The following ADD2 variants were observed in gnomAD, a reference collection of about 807,000 sequenced individuals.
The protein encoded by ADD2 is adducin 2.
ADD2 carries 23 observed loss-of-function variants against 83.0 expected under a neutral mutation model. The ratio of observed to expected loss-of-function variants is 0.28; its 90% CI spans 0.20 to 0.39. The LOEUF is 0.39. Among genes scored for constraint, ADD2 ranks in the 10% least tolerant of loss-of-function variants. The pLI, the probability that ADD2 is intolerant of heterozygous loss-of-function variation, is 1.00. For missense variants in ADD2, 758 were observed against 944.9 expected (o/e 0.80, Z 2.59); for synonymous variants, 375 against 375.4 (o/e 1.00, Z 0.01).
chr2:70,765,207 G>C (rs1675318832), intron 1 of ADD2, among the ~76,000 whole-genome samples: 1 of 152,068 alleles, frequency 6.6e-6, no homozygotes, highest in Non-Finnish European at 1.5e-5. Flanking sequence ...GCAAAAATTA[G>C]CCGGGCGTGG....
At chr2:70,765,378 A>C (rs577834932) in intron 1 of ADD2, among the ~76,000 whole-genome samples, 49 of 152,286 alleles carry the variant, frequency 3.2e-4, no homozygotes, top group African/African-American at 7.2e-4. Flanking sequence ...ATAAAAAATA[A>C]AAAAGAATTG....
In ADD2 at chr2:70,704,399, A is replaced by G. The variant is rs782491956; in HGVS notation, c.244T>C (p.Ser82Pro). ...QEQMKKGNNS[S>P]NIWALRQIAD... is the part of the protein sequence containing the mutation. ...ATCTGTCGCAGGGCCCAGATGTTGG[A>G]GGAGTTGTTCCCCTTCTTCATCTGC... Residue 82 changes from serine (S) to proline (P), a missense_variant, in exon 4 of 16, where the codon TCC becomes CCC. Around this residue, in one of 5 missense-constraint regions of ADD2, gnomAD observed 175 missense variants for 192.1 expected, o/e 0.91. Coordinates refer to ENST00000264436, the MANE Select transcript of ADD2 (RefSeq NM_001617.4). The G allele has an allele frequency of 6.2e-7, 1 of 1,613,976 alleles. No individual in the cohort carries two copies. The highest frequency in any genetic ancestry group is 1.1e-5 in the South Asian group (1 of 91,078).
At chr2:70,720,024 T>C (rs1672656421) in intron 1 of ADD2, among the ~76,000 whole-genome samples, 1 of 135,030 alleles carries the variant, frequency 7.4e-6, no homozygotes, top group South Asian at 2.2e-4. Flanking sequence ...ATAAACCATA[T>C]CCTAAGCCAT....
At chr2:70,700,583 A>G (rs1395259019) in intron 4 of ADD2, among the ~76,000 whole-genome samples, 1 of 152,142 alleles carries the variant, frequency 6.6e-6, no homozygotes, top group Non-Finnish European at 1.5e-5. Flanking sequence ...AGGATTAATG[A>G]ATATAGAAAT....
chr2:70,704,173 T>C lies in ADD2; in HGVS notation c.322+148A>G, dbSNP rs1243733954. The C allele has an allele frequency of 3.0e-6, 3 of 1,009,052 alleles. No individual in the cohort carries two copies. In the African/African-American group the frequency reaches 4.9e-5, roughly 16 times the overall value. 62.5% of individuals were successfully genotyped at this position (1,009,052 alleles called of 1,614,324 possible). On this transcript the variant is annotated intron_variant, in intron 4 of 15. Transcript: ENST00000264436. The stretch of plus-strand genomic sequence containing the variant: ...AAGCAGAGCCAGGTACCTCTCTGGC[T>C]GCTGCTGAGCTCCCCAAGGCCTGAT...
chr2:70,697,383 T>C (rs1422707512), intron 4 of ADD2, among the ~76,000 whole-genome samples: 3 of 152,180 alleles, frequency 2.0e-5, no homozygotes, highest in South Asian at 2.1e-4. Context: ...GAGGGTTTGA[T>C]AGTCTTGTCC....
At chr2:70,684,018 G>A (rs1553370118) in intron 9 of ADD2, among the ~76,000 whole-genome samples, 1 of 152,204 alleles carries the variant, frequency 6.6e-6, no homozygotes, top group Non-Finnish European at 1.5e-5. Flanking sequence ...AATCAAAACA[G>A]AGGACTGAAA....
rs1670986095 is a variant in ADD2, at chr2:70,690,780, G to A, written c.849+6C>T. 2 of 1,609,922 alleles carry A rather than the reference G, an allele frequency of 1.2e-6. No individual in the cohort carries two copies. The highest frequency in any genetic ancestry group is 1.7e-6 in the Non-Finnish European group (2 of 1,178,514). On this transcript the variant is annotated splice_donor_region_variant and intron_variant, in intron 8 of 15. Coordinates refer to ENST00000264436, the MANE Select transcript of ADD2 (RefSeq NM_001617.4). The stretch of plus-strand genomic sequence containing the variant: ...TAGATTATTGTCCCAGAAGAGCTAA[G>A]CTAACCTTGCAGGTGGGTCCAAGGC...
intron 8 of ADD2, among the ~76,000 whole-genome samples, chr2:70,689,059 T>C (rs1338655506): frequency 6.6e-6 from 1 of 152,060 alleles, no homozygotes; most frequent in African/African-American, 2.4e-5. Flanking sequence ...GATCGCACCA[T>C]TGTACCCCAG....
chr2:70,728,243 G>A (rs569325717), intron 1 of ADD2, among the ~76,000 whole-genome samples: 1 of 152,346 alleles, frequency 6.6e-6, no homozygotes, highest in Admixed American at 6.5e-5. Flanking sequence ...CGGCCTATAT[G>A]TGCTCTCTTT....
At chr2:70,697,744 G>A (rs1047361950) in intron 4 of ADD2, among the ~76,000 whole-genome samples, 3 of 152,110 alleles carry the variant, frequency 2.0e-5, no homozygotes, top group East Asian at 3.9e-4. Context: ...GAGGGCGGAC[G>A]ATGTATGTCC....
intron 9 of ADD2, among the ~76,000 whole-genome samples, chr2:70,686,180 C>T (rs1670715044): frequency 1.3e-5 from 2 of 152,214 alleles, no homozygotes; most frequent in African/African-American, 4.8e-5. Context: ...GTTACCTAGG[C>T]TCTTTCATGC....
chr2:70,674,613 A>C, intron 14 of ADD2, 65 bp downstream of exon 14: 4 of 1,509,156 alleles, frequency 2.7e-6, no homozygotes, highest in Non-Finnish European at 3.6e-6. Context: ...CTCTCTTGGT[A>C]GTCCTGAGCT....
intron 1 of ADD2, chr2:70,741,193 A>T (rs1673881934): frequency 6.6e-6 from 1 of 152,262 alleles, no homozygotes; most frequent in Middle Eastern, 3.2e-3. Flanking sequence ...AGGAGCATCA[A>T]GACAAGAACA....
chr2:70,689,090 C>T (rs371635127), intron 8 of ADD2, among the ~76,000 whole-genome samples: 1 of 142,486 alleles, frequency 7.0e-6, no homozygotes, highest in Non-Finnish European at 1.5e-5. Flanking sequence ...AGCAAGACTC[C>T]GTCTCAAAAA....
chr2:70,656,915 A>G lies in ADD2; in HGVS notation c.*6510T>C, dbSNP rs1435580960. The stretch of plus-strand genomic sequence containing the variant: ...AGACACCAAAGCAGCAGGAGGGCTC[A>G]GGAAGTGGCTTTGGAAAGTTCTCGT... On this transcript the variant is annotated 3_prime_UTR_variant, in exon 16 of 16. Coordinates refer to ENST00000264436, the MANE Select transcript of ADD2 (RefSeq NM_001617.4). 6.6e-6 allele frequency: 1 copy of G among 152,178 alleles called. No individual in the cohort carries two copies. The highest frequency in any genetic ancestry group is 1.9e-4 in the East Asian group (1 of 5,196). 9.4% of individuals were successfully genotyped at this position (152,178 alleles called of 1,614,324 possible).
intron 1 of ADD2, 84 bp downstream of exon 1, chr2:70,767,802 G>A: frequency 2.0e-6 from 3 of 1,515,090 alleles, no homozygotes; most frequent in Non-Finnish European, 2.6e-6. Flanking sequence ...AGCGGCTCCC[G>A]CCCGGCCGAG....
At chr2:70,749,915 G>A (rs1277787753) in intron 1 of ADD2, among the ~76,000 whole-genome samples, 1 of 152,178 alleles carries the variant, frequency 6.6e-6, no homozygotes, top group Non-Finnish European at 1.5e-5. Context: ...AAGCCACTAC[G>A]GCTAGGTTTC....
chr2:70,747,046 G>T (rs574404638), intron 1 of ADD2, among the ~76,000 whole-genome samples: 5 of 127,696 alleles, frequency 3.9e-5, no homozygotes, highest in Non-Finnish European at 7.8e-5. Flanking sequence ...GTCTCGCTCT[G>T]TCGCCCAGGC....
Sources: allele counts gnomAD v4.1 joint callset (sites outside exome capture counted in the v4.1 genomes callset), GRCh38; gene constraint gnomAD v4.1.1; regional missense constraint gnomAD v4.1.1; transcripts MANE v1.5; gene names NCBI Gene and HGNC (gene_info 2026-07-23, HGNC 2026-07-21).